Variants in RPH3A observed in about 807,000 individuals in gnomAD.
RPH3A encodes rabphilin 3A.
A neutral mutation model predicts 102.2 loss-of-function variants in RPH3A; 48 were observed. The observed-to-expected ratio is 0.47, with a 90% CI of 0.37 to 0.60. The LOEUF is 0.60. RPH3A is among the 20% of genes least tolerant of loss of function. The probability of loss-of-function intolerance (pLI) is 0.00; values close to 1 mark genes in which losing one functional copy is unlikely to be tolerated. For missense variants in RPH3A, 781 were observed against 910.1 expected, an observed-to-expected ratio of 0.86 and a Z score of 1.83; for synonymous variants, 310 against 324.3, an observed-to-expected ratio of 0.96 and a Z score of 0.47.
At chr12:112,607,549 C>T (rs1209677063) in intron 1 of RPH3A, among the ~76,000 whole-genome samples, 2 of 152,188 alleles carry the variant, frequency 1.3e-5, no homozygotes, top group African/African-American at 2.4e-5. Context: ...GGAAGACACA[C>T]TAAATGGCAT....
At chr12:112,687,049 G>A (rs2040270771) in intron 1 of RPH3A, among the ~76,000 whole-genome samples, 1 of 152,132 alleles carries the variant, frequency 6.6e-6, no homozygotes, top group African/African-American at 2.4e-5. Flanking sequence ...CAGGAGTTCG[G>A]GGGTGCAGTG....
chr12:112,732,380 A>G (rs2040640824), intron 1 of RPH3A, among the ~76,000 whole-genome samples: 1 of 152,178 alleles, frequency 6.6e-6, no homozygotes, highest in African/African-American at 2.4e-5. Flanking sequence ...TTTGCTAGCC[A>G]TGTGATCTTT....
At chr12:112,849,662 G>A (rs375964103) in intron 5 of RPH3A, among the ~76,000 whole-genome samples, 3 of 152,046 alleles carry the variant, frequency 2.0e-5, no homozygotes, top group Admixed American at 6.5e-5. Context: ...TATTTTTGCC[G>A]GTTTTGTTCA....
chr12:112,818,285 T>C (rs113899021), intron 2 of RPH3A, among the ~76,000 whole-genome samples: 4,154 of 126,276 alleles, frequency 0.033, 207 homozygotes, highest in African/African-American at 0.12. Flanking sequence ...GGCGACAGAG[T>C]GAGATTCTGT....
At chr12:112,605,344 C>T (rs1320216078) in intron 1 of RPH3A, among the ~76,000 whole-genome samples, 2 of 152,032 alleles carry the variant, frequency 1.3e-5, no homozygotes, top group African/African-American at 4.8e-5. Context: ...CACTGCATTC[C>T]ATCCTGGTTG....
At chr12:112,586,316 A>G (rs1403300899) in intron 1 of RPH3A, among the ~76,000 whole-genome samples, 1 of 152,168 alleles carries the variant, frequency 6.6e-6, no homozygotes, top group Non-Finnish European at 1.5e-5. Flanking sequence ...CAATACACAA[A>G]TTAGCTAATG....
chr12:112,710,060 C>T (rs147424441), intron 1 of RPH3A, among the ~76,000 whole-genome samples: 1,799 of 152,104 alleles, frequency 0.012, 46 homozygotes, highest in African/African-American at 0.041. Context: ...CTGCAAGCTC[C>T]GCCGCCCGGG....
intron 1 of RPH3A, among the ~76,000 whole-genome samples, chr12:112,671,455 C>A (rs1414218045): frequency 6.6e-6 from 1 of 152,180 alleles, no homozygotes. Flanking sequence ...TGGAGGCATA[C>A]CTCTTCCCTT....
intron 1 of RPH3A, among the ~76,000 whole-genome samples, chr12:112,750,819 A>G (rs2136060527): frequency 6.6e-6 from 1 of 152,252 alleles, no homozygotes; most frequent in African/African-American, 2.4e-5. Flanking sequence ...GAGCACATGG[A>G]CAAGTTAGGC....
rs190434676 is a variant in RPH3A, at chr12:112,575,921, C to G, written c.-140+602C>G. Among the ~76,000 whole-genome samples, 730 of 152,298 alleles carry G rather than the reference C, an allele frequency of 4.8e-3. 8 individuals are homozygous for G. Among genetic ancestry groups the G allele is most frequent in the African/African-American group, 0.013 (551 of 41,556 alleles). ...GCGTCTCCGCCCCTCACCCCAACCCCATCCTGACAATATATCCTTTTGATT... is the reference window on the plus strand; with the variant it reads ...GCGTCTCCGCCCCTCACCCCAACCCGATCCTGACAATATATCCTTTTGATT... On this transcript the variant is annotated intron_variant, in intron 1 of 21. Coordinates refer to the RPH3A transcript ENST00000543106.
Position 112,744,145 on chromosome 12 carries a change from G to A in RPH3A, c.-139-47998G>A, listed in dbSNP as rs150384623. ...GGCTGGATTGCAGTGGTGCGATCTC[G>A]GCTCACTGAAACCTCTGTCTCCCAG... is the stretch of plus-strand genomic sequence containing the variant. On this transcript the variant is annotated intron_variant, in intron 1 of 21. Transcript: ENST00000543106. Among the ~76,000 whole-genome samples, 720 of 152,060 alleles carry A rather than the reference G, an allele frequency of 4.7e-3. 3 individuals are homozygous for A. Among genetic ancestry groups the A allele is most frequent in the African/African-American group, 0.016 (646 of 41,472 alleles).
chr12:112,660,590 C>A (rs537998530), intron 1 of RPH3A, among the ~76,000 whole-genome samples: 1 of 152,276 alleles, frequency 6.6e-6, no homozygotes, highest in African/African-American at 2.4e-5. Flanking sequence ...GAGGCTGAGG[C>A]AGGAGTGTCA....
intron 1 of RPH3A, among the ~76,000 whole-genome samples, chr12:112,679,756 A>G (rs944173483): frequency 6.6e-6 from 1 of 152,208 alleles, no homozygotes; most frequent in Non-Finnish European, 1.5e-5. Context: ...AGGCTGTGCC[A>G]GGGGTTTGTC....
intron 1 of RPH3A, among the ~76,000 whole-genome samples, chr12:112,763,156 C>T (rs2040865888): frequency 6.6e-6 from 1 of 152,198 alleles, no homozygotes; most frequent in East Asian, 1.9e-4. Context: ...AGTAACTCTC[C>T]CTCTAGGAAG....
In RPH3A at chr12:112,751,778, A is replaced by T. The variant is rs528834002; in HGVS notation, c.-139-40365A>T. Among the ~76,000 whole-genome samples, 405 of 152,282 alleles carry T rather than the reference A, an allele frequency of 2.7e-3. 2 individuals are homozygous for T. Among genetic ancestry groups the T allele is most frequent in the Non-Finnish European group, 4.6e-3 (316 of 68,020 alleles). On this transcript the variant is annotated intron_variant, in intron 1 of 21. Transcript: ENST00000543106. ...TTTTTAGAAAAGGTTTTTAAATAAAAATATATGTATGAGAATTTTGTTTGT... is the reference window on the plus strand; with the variant it reads ...TTTTTAGAAAAGGTTTTTAAATAAATATATATGTATGAGAATTTTGTTTGT...
intron 2 of RPH3A, among the ~76,000 whole-genome samples, chr12:112,797,599 A>G (rs897632434): frequency 6.6e-6 from 1 of 152,096 alleles, no homozygotes; most frequent in Non-Finnish European, 1.5e-5. Flanking sequence ...TCAGTTTCTC[A>G]GGTAGATTTG....
intron 7 of RPH3A, 124 bp from the exon 8 acceptor site, chr12:112,868,306 A>T: frequency 1.1e-6 from 1 of 947,932 alleles, no homozygotes; most frequent in Non-Finnish European, 1.6e-6. Flanking sequence ...GTAATAATAA[A>T]AGTGTGCTGG....
At chr12:112,598,147 G>A (rs761855254) in intron 1 of RPH3A, among the ~76,000 whole-genome samples, 4 of 152,286 alleles carry the variant, frequency 2.6e-5, no homozygotes, top group East Asian at 1.9e-4. Context: ...TGGGAGGCTG[G>A]GTTGAACATA....
intron 1 of RPH3A, among the ~76,000 whole-genome samples, chr12:112,764,960 T>C (rs2040878164): frequency 1.3e-5 from 2 of 152,324 alleles, no homozygotes; most frequent in Non-Finnish European, 2.9e-5. Context: ...TGACTGATAT[T>C]AACTTGTTCC....
Sources: gnomAD v4.1 joint callset for allele counts (sites outside exome capture counted in the v4.1 genomes callset) on GRCh38, gnomAD v4.1.1 for gene constraint, MANE v1.5 for transcripts, NCBI Gene and HGNC (gene_info 2026-07-23, HGNC 2026-07-21) for gene names.